The following WDR73 variants were observed in gnomAD, a reference collection of about 807,000 sequenced individuals.
The protein encoded by WDR73 is integrator complex assembly factor WDR73.
WDR73 carries 30 observed loss-of-function variants against 38.2 expected under a neutral mutation model. The ratio of observed to expected loss-of-function variants is 0.79; its 90% CI spans 0.59 to 1.06. WDR73 has a LOEUF of 1.06. Ranked by LOEUF, WDR73 falls within the 50% of genes least tolerant of loss-of-function variation. The pLI, the probability that WDR73 is intolerant of heterozygous loss-of-function variation, is 0.00. For missense variants in WDR73, 487 were observed against 467.0 expected (o/e 1.04, Z -0.40); for synonymous variants, 197 against 176.0 (o/e 1.12, Z -0.94).
chr15:84,653,752 G>T lies in WDR73; in HGVS notation c.42-53C>A, dbSNP rs1426844203. 4 of 1,419,204 alleles carry T rather than the reference G, an allele frequency of 2.8e-6. No individual in the cohort carries two copies. The East Asian group carries it at 7.3e-5, about 26-fold the overall frequency. 87.9% of individuals were successfully genotyped at this position (1,419,204 alleles called of 1,614,324 possible). A position where few individuals can be genotyped will look rare whatever the true frequency, so the allele number is the denominator to read the frequency against. On this transcript the variant is annotated intron_variant, in intron 1 of 7. Transcript: ENST00000434634. ...GATGCACAGCACTTCACAGCTCAAA[G>T]AACTCCAAGATGGCAGCCGCATGGT...
At position 84,653,044 on chromosome 15, in the gene WDR73, GAGT is replaced by G. The variant is rs1668198036; in HGVS notation, c.110-245_110-243del. The G allele has an allele frequency of 7.9e-6, 3 of 381,194 alleles. No individual in the cohort carries two copies. The South Asian group carries it at 2.1e-4, about 26-fold the overall frequency. The allele number at this position is 381,194 out of a possible 1,614,324, so 23.6% of individuals were successfully genotyped here. On this transcript the variant is annotated intron_variant, in intron 2 of 7. Transcript: ENST00000434634. ...AGTGATCCTCCCACCACAGCCTTCAGAGTAGCTGGGATTATAGGCGTGAGCCAC... is the reference window on the plus strand; with the variant it reads ...AGTGATCCTCCCACCACAGCCTTCAGAGCTGGGATTATAGGCGTGAGCCAC...
chr15:84,647,615 G>C, intron 5 of WDR73: 1 of 396,506 alleles, frequency 2.5e-6, no homozygotes, highest in South Asian at 3.4e-5. Context: ...TCCTGCCTCA[G>C]TCTCCCCAGT....
At chr15:84,644,098 A>G (rs961594119) in intron 7 of WDR73, 7 of 214,686 alleles carry the variant, frequency 3.3e-5, no homozygotes, top group African/African-American at 1.4e-4. Context: ...CTAATTCTGG[A>G]CAAGTATTAG....
In WDR73 at chr15:84,646,196, T is replaced by C. The variant is rs775203368; in HGVS notation, c.505A>G (p.Thr169Ala). Residue 169 changes from threonine to alanine, a missense_variant, in exon 6 of 8, where the codon ACG becomes GCG. Physicochemically the swap from Thr to Ala is moderately conservative, Grantham distance 58. Transcript: ENST00000434634. ...AGTACCACGGTACCTGAGGTGTACG[T>C]GGTCTTCCGGGACTCCAGATCAACG... ...QVVDLESRKTTYTSDVSDSEE... is the reference protein window; with the variant it reads ...QVVDLESRKTAYTSDVSDSEE... 1 of 1,613,746 alleles carries C rather than the reference T, an allele frequency of 6.2e-7. No individual in the cohort carries two copies. Among genetic ancestry groups the C allele is most frequent in the Non-Finnish European group, 8.5e-7 (1 of 1,179,884 alleles).
intron 6 of WDR73, 60 bp from the exon 7 acceptor site, chr15:84,645,896 C>T (rs777443401): frequency 1.2e-6 from 2 of 1,607,610 alleles, no homozygotes; most frequent in Non-Finnish European, 8.5e-7. Context: ...GGCAATTTGG[C>T]AGGGCTGGCT....
chr15:84,650,990 C>T (rs1283440627), intron 3 of WDR73, among the ~76,000 whole-genome samples: 1 of 152,044 alleles, frequency 6.6e-6, no homozygotes, highest in East Asian at 1.9e-4. Flanking sequence ...TGGCACATGC[C>T]TGTGGTCCCA....
rs1366535454 is a variant in WDR73 at position 84,641,081 on chromosome 15, C to T, written c.*2389G>A. Reference sequence around the variant, plus strand: ...GAGAGGCACTATCATTCTCATTTCACCTGTCACTTCCAGACATGGGAGCAG... The same window carrying T: ...GAGAGGCACTATCATTCTCATTTCATCTGTCACTTCCAGACATGGGAGCAG... On this transcript the variant is annotated 3_prime_UTR_variant, in exon 8 of 8. Transcript: ENST00000434634. 1.3e-5 allele frequency: 2 copies of T among 150,798 alleles called. No homozygotes were observed. Among genetic ancestry groups the T allele is most frequent in the Non-Finnish European group, 2.9e-5 (2 of 68,050 alleles). 9.3% of individuals were successfully genotyped at this position (150,798 alleles called of 1,614,324 possible).
rs966151950 is a variant in WDR73 at position 84,642,399 on chromosome 15, T to C, written c.*1071A>G. The C allele has an allele frequency of 2.1e-4, 32 of 152,054 alleles. No individual in the cohort carries two copies. Among genetic ancestry groups the C allele is most frequent in the African/African-American group, 6.8e-4 (28 of 41,380 alleles). 9.4% of individuals were successfully genotyped at this position (152,054 alleles called of 1,614,324 possible). A position where few individuals can be genotyped will look rare whatever the true frequency, so the allele number is the denominator to read the frequency against. ...CCTTAGGAAGCCTCTCATTTATGTA[T>C]TTCTAGCATGTAATTAGTGTTGCAC... is the stretch of plus-strand genomic sequence containing the variant. On this transcript the variant is annotated 3_prime_UTR_variant, in exon 8 of 8. Transcript: ENST00000434634.
rs1491528897 is a variant in WDR73 at position 84,639,765 on chromosome 15, TCA to T, written c.*3703_*3704del. 6.6e-6 allele frequency: 1 copy of T among 152,158 alleles called. No individual in the cohort carries two copies. The highest frequency in any genetic ancestry group is 1.5e-5 in the Non-Finnish European group (1 of 68,076). 9.4% of individuals were successfully genotyped at this position (152,158 alleles called of 1,614,324 possible). On this transcript the variant is annotated 3_prime_UTR_variant, in exon 8 of 8. Transcript: ENST00000434634. ...GAAACCAAGATTTTTCTGGGAATTC[TCA>T]GAGGCCTGGATCCACGAAAAACTCC... is the stretch of plus-strand genomic sequence containing the variant.
chr15:84,646,353 G>A lies in WDR73; in HGVS notation c.353-5C>T. 1.9e-6 allele frequency: 3 copies of A among 1,602,180 alleles called. No individual in the cohort carries two copies. Among genetic ancestry groups the A allele is most frequent in the Non-Finnish European group, 2.6e-6 (3 of 1,171,036 alleles). On this transcript the variant is annotated splice_polypyrimidine_tract_variant and splice_region_variant and intron_variant, in intron 5 of 7. Transcript: ENST00000434634. The stretch of plus-strand genomic sequence containing the variant: ...TGCTGACAGCTTTAATGACATCTAG[G>A]GGAAAACGAAGAGGCCAAAATCCAG...
At position 84,641,969 on chromosome 15, in the gene WDR73, G is replaced by C. The variant is rs1896272188; in HGVS notation, c.*1501C>G. ...TCCCACCTCAGCCTCCCAAAGTACT[G>C]GGATTACAGACATGAGCCACATGCT... is the stretch of plus-strand genomic sequence containing the variant. On this transcript the variant is annotated 3_prime_UTR_variant, in exon 8 of 8. Coordinates refer to ENST00000434634, the MANE Select transcript of WDR73 (RefSeq NM_032856.5). 6.6e-6 allele frequency: 1 copy of C among 151,926 alleles called. No individual in the cohort carries two copies. Among genetic ancestry groups the C allele is most frequent in the Non-Finnish European group, 1.5e-5 (1 of 68,028 alleles). The allele number at this position is 151,926 out of a possible 1,614,324, so 9.4% of individuals were successfully genotyped here. A position where few individuals can be genotyped will look rare whatever the true frequency, so the allele number is the denominator to read the frequency against.
intron 5 of WDR73, 105 bp downstream of exon 5, chr15:84,647,783 CTG>C: frequency 8.9e-7 from 1 of 1,124,970 alleles, no homozygotes; most frequent in African/African-American, 1.5e-5. Context: ...AGGCATGAGA[CTG>C]TCCCCAGCCT....
rs1896246844 is a variant in WDR73, at chr15:84,641,200, GTGA to G, written c.*2267_*2269del. On this transcript the variant is annotated 3_prime_UTR_variant, in exon 8 of 8. Coordinates refer to ENST00000434634, the MANE Select transcript of WDR73 (RefSeq NM_032856.5). ...GATGGGGTCACAATGCTGCAGAAAA[GTGA>G]AGAGCTTTGGAATGAAGATCTCCCG... 6.6e-6 allele frequency: 1 copy of G among 150,826 alleles called. No homozygotes were observed. The highest frequency in any genetic ancestry group is 2.5e-5 in the African/African-American group (1 of 40,108). The allele number at this position is 150,826 out of a possible 1,614,324, so 9.3% of individuals were successfully genotyped here.
At chr15:84,652,317 G>A (rs201335130) in intron 3 of WDR73, among the ~76,000 whole-genome samples, 1 of 152,204 alleles carries the variant, frequency 6.6e-6, no homozygotes, top group East Asian at 1.9e-4. Context: ...ATTCTTTGGG[G>A]AGGGGGGGTG....
intron 2 of WDR73, 167 bp downstream of exon 2, chr15:84,653,465 C>T (rs1896686339): frequency 1.2e-5 from 7 of 567,034 alleles, no homozygotes; most frequent in South Asian, 1.9e-5. Context: ...CCACTGCTCC[C>T]GGTCAGAGAT....
intron 3 of WDR73, among the ~76,000 whole-genome samples, chr15:84,651,930 C>T (rs1209227013): frequency 1.3e-5 from 2 of 152,100 alleles, no homozygotes; most frequent in Non-Finnish European, 2.9e-5. Context: ...TGCAGTGGCA[C>T]GATCTCAGCT....
At position 84,642,235 on chromosome 15, in the gene WDR73, CAGGCTG is replaced by C. The variant is rs1317321974; in HGVS notation, c.*1229_*1234del. 1 of 151,700 alleles carries C rather than the reference CAGGCTG, an allele frequency of 6.6e-6. No homozygotes were observed. The highest frequency in any genetic ancestry group is 1.5e-5 in the Non-Finnish European group (1 of 68,000). 9.4% of individuals were successfully genotyped at this position (151,700 alleles called of 1,614,324 possible). ...CGTGCCTGTAATCCCAGCTACTTGG[CAGGCTG>C]AGGCAGGAGCATTGCTTGAACCCAT... On this transcript the variant is annotated 3_prime_UTR_variant, in exon 8 of 8. Transcript: ENST00000434634.
rs759997983 is a variant in WDR73 at position 84,642,718 on chromosome 15, GCTGCCTA to G, written c.*745_*751del. 1.3e-5 allele frequency: 2 copies of G among 152,076 alleles called. No homozygotes were observed. Among genetic ancestry groups the G allele is most frequent in the Non-Finnish European group, 2.9e-5 (2 of 68,114 alleles). 9.4% of individuals were successfully genotyped at this position (152,076 alleles called of 1,614,324 possible). Reference sequence around the variant, plus strand: ...GGACTCAAGTGATCCACCTGTCTTGGCTGCCTACATTGCTGGGATTACAGGCATGAGC... The same window carrying G: ...GGACTCAAGTGATCCACCTGTCTTGGCATTGCTGGGATTACAGGCATGAGC... On this transcript the variant is annotated 3_prime_UTR_variant, in exon 8 of 8. Coordinates refer to ENST00000434634, the MANE Select transcript of WDR73 (RefSeq NM_032856.5).
rs1896347706 is a variant in WDR73, at chr15:84,643,713, A to G, written c.894T>C (p.Gly298=). Residue 298 remains glycine (G), a synonymous_variant, in exon 8 of 8, where the codon GGT becomes GGC. Transcript: ENST00000434634. ...KNCLAISGFD[G]TVQVYDATSW... ...ATGTGGCATCATAGACCTGGACTGT[A>G]CCATCAAAACCTGAGAATACAGAAA... 1.9e-6 allele frequency: 3 copies of G among 1,612,712 alleles called. No individual in the cohort carries two copies. The highest frequency in any genetic ancestry group is 2.7e-5 in the African/African-American group (2 of 74,882).
Sources: gnomAD v4.1 joint callset for allele counts (sites outside exome capture counted in the v4.1 genomes callset) on GRCh38, gnomAD v4.1.1 for gene constraint, MANE v1.5 for transcripts, NCBI Gene and HGNC (gene_info 2026-07-23, HGNC 2026-07-21) for gene names.